LGR6: variants seen among roughly 807,000 people sequenced by gnomAD.
LGR6 encodes the protein leucine-rich repeat-containing G protein-coupled receptor 6.
Under a neutral mutation model 69.4 loss-of-function variants are expected in LGR6, and 45 were observed. The ratio of observed to expected loss-of-function variants is 0.65; its 90% CI spans 0.51 to 0.83. The LOEUF is 0.83. Among genes scored for constraint, LGR6 ranks in the 40% least tolerant of loss-of-function variants. LGR6 has a pLI of 0.00. For synonymous variants in LGR6, 538 were observed against 555.0 expected, an observed-to-expected ratio of 0.97 and a Z score of 0.43; for missense variants, 1,108 against 1,246.7, an observed-to-expected ratio of 0.89 and a Z score of 1.68.
intron 4 of LGR6, among the ~76,000 whole-genome samples, chr1:202,271,186 T>G (rs547687737): frequency 6.6e-6 from 1 of 152,254 alleles, no homozygotes; most frequent in African/African-American, 2.4e-5. Context: ...TCTCCCACCC[T>G]CTACGGGGAG....
chr1:202,232,374 G>A (rs926452293), intron 3 of LGR6, among the ~76,000 whole-genome samples: 1 of 152,168 alleles, frequency 6.6e-6, no homozygotes, highest in East Asian at 1.9e-4. Flanking sequence ...TGTGAGGGGA[G>A]GAGTGTTGAG....
chr1:202,265,305 A>G (rs528660766), intron 4 of LGR6, among the ~76,000 whole-genome samples: 32 of 149,164 alleles, frequency 2.1e-4, no homozygotes, highest in African/African-American at 7.9e-4. Context: ...TCAGGCTCCG[A>G]CTCCCCAGAG....
chr1:202,210,337 G>T (rs368364441), intron 1 of LGR6, among the ~76,000 whole-genome samples: 1 of 151,662 alleles, frequency 6.6e-6, no homozygotes, highest in Non-Finnish European at 1.5e-5. Flanking sequence ...GCACATGGAT[G>T]CTCAAAAATA....
chr1:202,262,062 T>C (rs1463578435), intron 4 of LGR6, among the ~76,000 whole-genome samples: 2 of 152,222 alleles, frequency 1.3e-5, no homozygotes, highest in African/African-American at 4.8e-5. Context: ...GTAGTTTCTT[T>C]TGCTGTGCAG....
At chr1:202,314,934 C>A (rs749434904) in intron 17 of LGR6, 52 bp downstream of exon 17, 1 of 1,328,776 alleles carries the variant, frequency 7.5e-7, no homozygotes, top group South Asian at 1.2e-5. Context: ...AAAGGGCACC[C>A]AACCACCTAG....
Position 202,306,826 on chromosome 1 carries a change from G to T in LGR6, c.1137-42G>T, listed in dbSNP as rs1402571778. 3 of 1,584,592 alleles carry T rather than the reference G, an allele frequency of 1.9e-6. No homozygotes were observed. The African/African-American group carries it at 4.0e-5, about 21-fold the overall frequency. On this transcript the variant is annotated intron_variant, in intron 12 of 17. Transcript: ENST00000367278. Reference sequence around the variant, plus strand: ...TCGGGGGGCATGGAGCGGAGCCAGGGTCTGAGCCTGCCGGCTCATCCAGCC... The same window carrying T: ...TCGGGGGGCATGGAGCGGAGCCAGGTTCTGAGCCTGCCGGCTCATCCAGCC...
At chr1:202,298,240 T>C (rs568910440) in intron 7 of LGR6, among the ~76,000 whole-genome samples, 4 of 152,026 alleles carry the variant, frequency 2.6e-5, no homozygotes, top group Non-Finnish European at 4.4e-5. Flanking sequence ...CAGAGTAATG[T>C]GGAAAGATCA....
In LGR6 at chr1:202,318,612, C is replaced by T; in HGVS notation, c.2309C>T (p.Ala770Val). 1 of 1,613,968 alleles carries T rather than the reference C, an allele frequency of 6.2e-7. No individual in the cohort carries two copies. Residue 770 changes from alanine to valine, a missense_variant, in exon 18 of 18, where the codon GCC (alanine) becomes GTC (valine). Ala to Val is a moderately conservative substitution (Grantham distance 64). Coordinates refer to ENST00000367278, the MANE Select transcript of LGR6 (RefSeq NM_001017403.2). Reference sequence around the variant, plus strand: ...GACTTTGAGGCCGTGTGGGACTGCGCCATGGTGAGGCACGTGGCCTGGCTC... The same window carrying T: ...GACTTTGAGGCCGTGTGGGACTGCGTCATGGTGAGGCACGTGGCCTGGCTC... ...RGDFEAVWDC[A>V]MVRHVAWLIF...
chr1:202,273,808 A>G (rs961926751), intron 4 of LGR6, among the ~76,000 whole-genome samples: 3 of 151,888 alleles, frequency 2.0e-5, no homozygotes, highest in African/African-American at 7.3e-5. Context: ...TCCCCCATCC[A>G]CACTGGACCT....
At position 202,318,202 on chromosome 1, in the gene LGR6, A is replaced by G; in HGVS notation, c.1899A>G (p.Gly633=). The change falls in exon 18 of 18, where the codon GGA becomes GGG. Residue 633 remains glycine (G), a synonymous_variant. Coordinates refer to ENST00000367278, the MANE Select transcript of LGR6 (RefSeq NM_001017403.2). ...CCTTTGGTCAGTTCTCTGAGTACGG[A>G]GCCCGCTGGGAGACGGGGCTAGGCT... ...ALTFGQFSEY[G]ARWETGLGCR... is the part of the protein sequence containing the mutation. 3.7e-6 allele frequency: 6 copies of G among 1,612,990 alleles called. No individual in the cohort carries two copies. The highest frequency in any genetic ancestry group is 5.1e-6 in the Non-Finnish European group (6 of 1,179,918).
chr1:202,268,796 A>G lies in LGR6; in HGVS notation c.429-7510A>G, dbSNP rs1458300604. ...AGCCCACAGCTTTTGAGGATTTTTT[A>G]GTTTGGGAGCAGAGCCGACCTCATG... On this transcript the variant is annotated intron_variant, in intron 4 of 17. Coordinates refer to ENST00000367278, the MANE Select transcript of LGR6 (RefSeq NM_001017403.2). This position sits in a 1 kb window ranked among gnomAD's most constrained non-coding sequence, Gnocchi z 4.4. 1.3e-5 allele frequency among the ~76,000 whole-genome samples: 2 copies of G among 152,136 alleles called. No homozygotes were observed. The highest frequency in any genetic ancestry group is 2.4e-5 in the African/African-American group (1 of 41,422).
At chr1:202,260,694 C>G (rs1412322225) in intron 4 of LGR6, among the ~76,000 whole-genome samples, 1 of 152,036 alleles carries the variant, frequency 6.6e-6, no homozygotes, top group Non-Finnish European at 1.5e-5. Flanking sequence ...AGTAGTTTTT[C>G]CCCCAAGAAC....
At chr1:202,194,666 C>T (rs1323917775) in intron 1 of LGR6, 3 of 428,482 alleles carry the variant, frequency 7.0e-6, no homozygotes, top group Middle Eastern at 6.5e-4. Context: ...GTGAGGACAA[C>T]AGGGCTGTCA....
At chr1:202,273,451 GT>G (rs1179805590) in intron 4 of LGR6, among the ~76,000 whole-genome samples, 2 of 148,432 alleles carry the variant, frequency 1.3e-5, no homozygotes, top group Admixed American at 6.7e-5. Context: ...AATGTGACCT[GT>G]TTTTTTTTGT....
intron 3 of LGR6, among the ~76,000 whole-genome samples, chr1:202,233,537 G>A (rs1465991486): frequency 2.0e-5 from 3 of 152,146 alleles, no homozygotes; most frequent in Non-Finnish European, 4.4e-5. Flanking sequence ...GGCTGGGAGG[G>A]TAGAAACACT....
rs549603168 is a variant in LGR6 at position 202,239,132 on chromosome 1, A to G, written c.428+3139A>G. On this transcript the variant is annotated intron_variant, in intron 4 of 17. Transcript: ENST00000367278. ...CATCTTCAGGGGTAGGTGTCTTCCA[A>G]CCAGGGTAGGTGTCTTCCGGCCGGC... Among the ~76,000 whole-genome samples the G allele has an allele frequency of 2.8e-4, 43 of 152,108 alleles. 1 individual carries two copies. In the South Asian group the frequency reaches 8.3e-3, roughly 29 times the overall value.
intron 4 of LGR6, among the ~76,000 whole-genome samples, chr1:202,260,365 G>T (rs946156167): frequency 2.2e-4 from 34 of 151,762 alleles, no homozygotes; most frequent in African/African-American, 8.0e-4. Flanking sequence ...ACAGAGTCTC[G>T]CTCTGTCGCC....
At chr1:202,225,378 CA>C (rs757899740) in intron 1 of LGR6, 44 bp from the exon 2 acceptor site, 22 of 1,569,832 alleles carry the variant, frequency 1.4e-5, no homozygotes, top group Non-Finnish European at 1.7e-5. Context: ...CCAGATGGCC[CA>C]AGTGGGGAGT....
intron 1 of LGR6, 169 bp from the exon 2 acceptor site, chr1:202,225,254 C>G: frequency 1.6e-6 from 1 of 632,166 alleles, no homozygotes; most frequent in Non-Finnish European, 2.9e-6. Context: ...AGTTCTTGCT[C>G]TTAGAGAGAA....
Sources: allele counts gnomAD v4.1 joint callset (sites outside exome capture counted in the v4.1 genomes callset), GRCh38; gene constraint gnomAD v4.1.1; non-coding constraint Gnocchi (gnomAD v3.1); transcripts MANE v1.5; gene names NCBI Gene and HGNC (gene_info 2026-07-23, HGNC 2026-07-21).